RYR2: variants seen among roughly 807,000 people sequenced by gnomAD.
RYR2 encodes the protein cardiac muscle ryanodine receptor-calcium release channel.
RYR2 carries 227 observed loss-of-function variants against 601.1 expected under a neutral mutation model. That is an observed-to-expected ratio of 0.38 (90% CI 0.34 to 0.42). The LOEUF (loss-of-function observed/expected upper bound fraction) is 0.42, where lower values mean the gene tolerates loss of function less well. Ranked by LOEUF, RYR2 falls within the 10% of genes least tolerant of loss-of-function variation. RYR2 has a pLI of 1.00. For missense variants in RYR2, 4,646 were observed against 6,156.5 expected (o/e 0.75, Z 8.21); for synonymous variants, 2,223 against 2,175.1 (o/e 1.02, Z -0.61).
chr1:237,610,705 T>A lies in RYR2; in HGVS notation c.4684-57T>A. 1 of 1,406,624 alleles carries A rather than the reference T, an allele frequency of 7.1e-7. No homozygotes were observed. The highest frequency in any genetic ancestry group is 9.7e-7 in the Non-Finnish European group (1 of 1,027,008). 87.1% of individuals were successfully genotyped at this position (1,406,624 alleles called of 1,614,324 possible). On this transcript the variant is annotated intron_variant, in intron 35 of 104. Transcript: ENST00000366574. This position sits in a 1 kb window ranked among gnomAD's most constrained non-coding sequence, Gnocchi z 4.9. ...CCTGTGCAGAATTCTAGTCATTACT[T>A]TGTGAACCCCAAGGGATGTTCTACA...
intron 48 of RYR2, among the ~76,000 whole-genome samples, chr1:237,646,870 T>C (rs1157489953): frequency 6.6e-6 from 1 of 152,114 alleles, no homozygotes; most frequent in Non-Finnish European, 1.5e-5. Context: ...TTGTCTCCAG[T>C]GTGTTTGAGG....
intron 25 of RYR2, among the ~76,000 whole-genome samples, chr1:237,542,881 A>G (rs1394324323): frequency 6.6e-6 from 1 of 152,162 alleles, no homozygotes; most frequent in African/African-American, 2.4e-5. Context: ...ATAGAAGCTC[A>G]CTTTGGCTCT....
chr1:237,672,400 A>C (rs1268907084), intron 58 of RYR2, among the ~76,000 whole-genome samples: 1 of 152,216 alleles, frequency 6.6e-6, no homozygotes, highest in Non-Finnish European at 1.5e-5. Flanking sequence ...GATGGAGTTC[A>C]AACTAGGTGA....
chr1:237,818,933 A>G (rs982142194), intron 100 of RYR2, 103 bp from the exon 101 acceptor site: 12 of 1,036,578 alleles, frequency 1.2e-5, no homozygotes, highest in Admixed American at 1.1e-4. Flanking sequence ...AAAAATTCTC[A>G]TTTCCAGAGT....
chr1:237,643,574 A>C, intron 48 of RYR2, 127 bp downstream of exon 48: 2 of 933,872 alleles, frequency 2.1e-6, no homozygotes, highest in Admixed American at 3.0e-5. Context: ...TACTTAAATT[A>C]GTTTTTTTAA....
chr1:237,225,444 G>A (rs974810332), intron 1 of RYR2, among the ~76,000 whole-genome samples: 2 of 152,160 alleles, frequency 1.3e-5, no homozygotes, highest in Admixed American at 6.5e-5. Flanking sequence ...AGGGTGAAGT[G>A]AAAGGGATTT....
intron 12 of RYR2, among the ~76,000 whole-genome samples, chr1:237,440,912 A>G (rs1707840747): frequency 6.6e-6 from 1 of 152,006 alleles, no homozygotes; most frequent in Non-Finnish European, 1.5e-5. Flanking sequence ...TTAACTTGCT[A>G]ACATCTTAGA....
intron 40 of RYR2, among the ~76,000 whole-genome samples, chr1:237,627,269 A>C (rs553124934): frequency 4.0e-4 from 61 of 152,342 alleles, no homozygotes; most frequent in Non-Finnish European, 7.3e-4. Context: ...ATTCACAATC[A>C]AATCCTTTTG....
intron 1 of RYR2, among the ~76,000 whole-genome samples, chr1:237,202,697 C>T (rs753019420): frequency 1.3e-5 from 2 of 152,180 alleles, no homozygotes; most frequent in East Asian, 3.9e-4. Context: ...TGTGAGCCAC[C>T]GGGTCCGTCC....
chr1:237,200,661 G>A (rs1222586022), intron 1 of RYR2, among the ~76,000 whole-genome samples: 4 of 152,060 alleles, frequency 2.6e-5, no homozygotes, highest in African/African-American at 4.8e-5. Context: ...TGCCATTCTC[G>A]GGCATATTTT....
At chr1:237,632,555 C>T (rs1287525702) in intron 42 of RYR2, among the ~76,000 whole-genome samples, 1 of 151,990 alleles carries the variant, frequency 6.6e-6, no homozygotes, top group Admixed American at 6.6e-5. Flanking sequence ...CCACCATTCC[C>T]TGCTAATTTT....
chr1:237,799,098 C>T (rs949234690), intron 97 of RYR2, among the ~76,000 whole-genome samples: 16 of 152,086 alleles, frequency 1.1e-4, no homozygotes, highest in Non-Finnish European at 1.9e-4. Context: ...TATCTGAAAA[C>T]TTATTAAGGT....
At chr1:237,392,943 C>T (rs567366069) in intron 10 of RYR2, among the ~76,000 whole-genome samples, 1 of 152,106 alleles carries the variant, frequency 6.6e-6, no homozygotes, top group African/African-American at 2.4e-5. Context: ...TTTATTTTCT[C>T]AAGAAGTTTA....
intron 58 of RYR2, among the ~76,000 whole-genome samples, chr1:237,668,880 A>T (rs1009383819): frequency 4.0e-5 from 6 of 151,820 alleles, no homozygotes; most frequent in African/African-American, 1.5e-4. Context: ...TTTATTTTTT[A>T]TTTTTTTTAT....
At chr1:237,200,859 T>G (rs1336762034) in intron 1 of RYR2, among the ~76,000 whole-genome samples, 1 of 152,222 alleles carries the variant, frequency 6.6e-6, no homozygotes, top group Non-Finnish European at 1.5e-5. Context: ...AAGTTATGTG[T>G]TCTGTGACTA....
intron 1 of RYR2, among the ~76,000 whole-genome samples, chr1:237,234,306 G>C (rs1685315971): frequency 6.6e-6 from 1 of 152,080 alleles, no homozygotes; most frequent in South Asian, 2.1e-4. Flanking sequence ...AGGAACCCTC[G>C]AATCTTCCTC....
At chr1:237,438,602 G>A (rs184311889) in intron 12 of RYR2, among the ~76,000 whole-genome samples, 5 of 152,286 alleles carry the variant, frequency 3.3e-5, no homozygotes, top group Non-Finnish European at 7.4e-5. Flanking sequence ...GCAGAATTTG[G>A]ATAATTTTTT....
chr1:237,529,020 T>C (rs1667853484), intron 24 of RYR2, among the ~76,000 whole-genome samples: 1 of 152,150 alleles, frequency 6.6e-6, no homozygotes, highest in Non-Finnish European at 1.5e-5. Flanking sequence ...AGCCTTGTGA[T>C]TACCTCATTG....
intron 1 of RYR2, among the ~76,000 whole-genome samples, chr1:237,190,350 C>T (rs896941766): frequency 1.3e-5 from 2 of 152,148 alleles, no homozygotes; most frequent in Non-Finnish European, 2.9e-5. Flanking sequence ...TTGCATTTCT[C>T]TTATTGAGGT....
Sources: gnomAD v4.1 joint callset for allele counts (sites outside exome capture counted in the v4.1 genomes callset) on GRCh38, gnomAD v4.1.1 for gene constraint, Gnocchi (gnomAD v3.1) non-coding constraint, MANE v1.5 for transcripts, NCBI Gene and HGNC (gene_info 2026-07-23, HGNC 2026-07-21) for gene names.